PHF24: variants seen among roughly 807,000 people sequenced by gnomAD.
The protein encoded by PHF24 is PHD finger protein 24.
Under a neutral mutation model 42.6 loss-of-function variants are expected in PHF24, and 25 were observed. The ratio of observed to expected loss-of-function variants is 0.59; its 90% CI spans 0.43 to 0.82. The LOEUF (loss-of-function observed/expected upper bound fraction) is 0.82, where lower values mean the gene tolerates loss of function less well. PHF24 is among the 40% of genes least tolerant of loss of function. The probability of loss-of-function intolerance (pLI) is 0.00; values close to 1 mark genes in which losing one functional copy is unlikely to be tolerated. For missense variants in PHF24, 470 were observed against 538.1 expected (o/e 0.87, Z 1.25); for synonymous variants, 185 against 204.8 (o/e 0.90, Z 0.83).
chr9:34,836,292 G>A, the PHF24 span, among the ~76,000 whole-genome samples: 1 of 152,202 alleles, frequency 6.6e-6, no homozygotes, highest in African/African-American at 2.4e-5. Context: ...ATGGCCCTCA[G>A]AGAAGACTGG....
At chr9:34,855,262 A>G in the PHF24 span, among the ~76,000 whole-genome samples, 1 of 152,302 alleles carries the variant, frequency 6.6e-6, no homozygotes, top group South Asian at 2.1e-4. Context: ...TGGGGCATTT[A>G]ACCCATTTAC....
the PHF24 span, among the ~76,000 whole-genome samples, chr9:34,909,268 CCTTAT>C: frequency 1.3e-5 from 2 of 152,104 alleles, no homozygotes; most frequent in African/African-American, 2.4e-5. Context: ...CTGGCTCTTC[CCTTAT>C]CTTATCTTTG....
chr9:34,878,868 G>A, the PHF24 span, among the ~76,000 whole-genome samples: 16 of 152,306 alleles, frequency 1.1e-4, no homozygotes, highest in South Asian at 1.0e-3. Flanking sequence ...GAGAGTAGTC[G>A]TTCTTCCAGC....
At chr9:34,866,147 C>T in the PHF24 span, among the ~76,000 whole-genome samples, 18 of 152,158 alleles carry the variant, frequency 1.2e-4, no homozygotes, top group Non-Finnish European at 1.9e-4. Flanking sequence ...TTCCTGAAAT[C>T]CAAATATATT....
At chr9:34,786,463 A>G in the PHF24 span, among the ~76,000 whole-genome samples, 16 of 152,120 alleles carry the variant, frequency 1.1e-4, no homozygotes, top group East Asian at 1.4e-3. Context: ...CTAGCTAGCC[A>G]TGGGGACTCT....
the PHF24 span, among the ~76,000 whole-genome samples, chr9:34,935,396 C>T: frequency 7.2e-5 from 11 of 152,042 alleles, no homozygotes; most frequent in Non-Finnish European, 1.3e-4. Context: ...GAGTTCGAGG[C>T]CAGCCTGGCC....
At chr9:34,832,437 A>C in the PHF24 span, 1 of 1,427,548 alleles carries the variant, frequency 7.0e-7, no homozygotes, top group African/African-American at 1.4e-5. Flanking sequence ...GGGACCATCC[A>C]AGAAAGCTGG....
At chr9:34,806,047 TG>T in the PHF24 span, among the ~76,000 whole-genome samples, 2 of 152,246 alleles carry the variant, frequency 1.3e-5, no homozygotes, top group Non-Finnish European at 2.9e-5. Flanking sequence ...GGCTTATTTT[TG>T]TACTCTTAAC....
the PHF24 span, among the ~76,000 whole-genome samples, chr9:34,936,432 T>G: frequency 6.6e-6 from 1 of 152,072 alleles, no homozygotes; most frequent in Admixed American, 6.5e-5. Flanking sequence ...CCTCCACCTC[T>G]CAGCCGCCTG....
chr9:34,774,087 A>T, the PHF24 span, among the ~76,000 whole-genome samples: 214 of 152,364 alleles, frequency 1.4e-3, no homozygotes, highest in Middle Eastern at 6.8e-3. Flanking sequence ...TACCATACAC[A>T]GAAATTAACT....
At chr9:34,917,716 C>G in the PHF24 span, 2 of 797,314 alleles carry the variant, frequency 2.5e-6, no homozygotes, top group Middle Eastern at 2.4e-4. Context: ...AGGCTCATTA[C>G]AGCGCCTGCT....
At chr9:34,851,656 C>T in the PHF24 span, among the ~76,000 whole-genome samples, 102 of 152,308 alleles carry the variant, frequency 6.7e-4, 3 homozygotes, top group East Asian at 0.02. Context: ...GAACCTGGTA[C>T]CTCAAATGGA....
the PHF24 span, among the ~76,000 whole-genome samples, chr9:34,766,486 G>A: frequency 0.38 from 58,042 of 151,916 alleles, 13,257 homozygotes; most frequent in East Asian, 0.6. Context: ...CTTCCAGATG[G>A]TCTCATCAGC....
chr9:34,745,431 C>T, the PHF24 span, among the ~76,000 whole-genome samples: 2 of 151,636 alleles, frequency 1.3e-5, no homozygotes, highest in Non-Finnish European at 2.9e-5. Context: ...ATGAAAAAAG[C>T]GGTGGGGAAA....
chr9:34,741,609 G>A, the PHF24 span, among the ~76,000 whole-genome samples: 1 of 152,154 alleles, frequency 6.6e-6, no homozygotes, highest in Non-Finnish European at 1.5e-5. Flanking sequence ...TGATCCACCT[G>A]CCTTGGCCTC....
the PHF24 span, among the ~76,000 whole-genome samples, chr9:34,867,644 G>A: frequency 6.6e-6 from 1 of 152,142 alleles, no homozygotes; most frequent in South Asian, 2.1e-4. Context: ...GATGGTTTTT[G>A]TTAAAAGTCT....
chr9:34,922,108 T>G, the PHF24 span: 47 of 1,254,208 alleles, frequency 3.7e-5, no homozygotes, highest in African/African-American at 6.9e-4. Flanking sequence ...TAAACAACTA[T>G]TTGTGGGACA....
the PHF24 span, among the ~76,000 whole-genome samples, chr9:34,932,591 A>C: frequency 1.3e-5 from 2 of 152,242 alleles, no homozygotes; most frequent in Non-Finnish European, 2.9e-5. Context: ...AAATGTGCCA[A>C]GGCAATTTTA....
At chr9:34,676,833 G>C in the PHF24 span, among the ~76,000 whole-genome samples, 2 of 152,082 alleles carry the variant, frequency 1.3e-5, no homozygotes, top group East Asian at 3.9e-4. Context: ...AACAGAGGGA[G>C]ATGCCACACG....
Sources: gnomAD v4.1 joint callset for allele counts (sites outside exome capture counted in the v4.1 genomes callset) on GRCh38, gnomAD v4.1.1 for gene constraint, MANE v1.5 for transcripts, NCBI Gene and HGNC (gene_info 2026-07-23, HGNC 2026-07-21) for gene names.